Variants in TENM4 observed in about 807,000 individuals in gnomAD.
TENM4 encodes teneurin transmembrane protein 4.
In TENM4, 82 loss-of-function variants were observed where a neutral mutation model predicts 243.3. That is an observed-to-expected ratio of 0.34 (90% CI 0.28 to 0.40). The LOEUF (loss-of-function observed/expected upper bound fraction) is 0.40, where lower values mean the gene tolerates loss of function less well. TENM4 is among the 10% of genes least tolerant of loss of function. The pLI is 1.00. For synonymous variants in TENM4, 1,412 were observed against 1,456.3 expected, an observed-to-expected ratio of 0.97 and a Z score of 0.69; for missense variants, 3,138 against 3,673.3, an observed-to-expected ratio of 0.85 and a Z score of 3.77.
chr11:79,043,441 C>T (rs187218148), intron 6 of TENM4, among the ~76,000 whole-genome samples: 1 of 152,252 alleles, frequency 6.6e-6, no homozygotes, highest in Non-Finnish European at 1.5e-5. Context: ...GGTAGCTCCA[C>T]AAGATGGTGG....
At chr11:78,868,684 G>C (rs932172184) in intron 9 of TENM4, among the ~76,000 whole-genome samples, 4 of 152,160 alleles carry the variant, frequency 2.6e-5, no homozygotes, top group African/African-American at 9.7e-5. Context: ...CATTATGCAG[G>C]AGTCACCAAT....
intron 3 of TENM4, among the ~76,000 whole-genome samples, chr11:79,163,958 T>A (rs963135017): frequency 5.7e-5 from 8 of 139,208 alleles, no homozygotes; most frequent in African/African-American, 1.9e-4. Context: ...GTACTATATA[T>A]CTATATATCT....
chr11:79,075,524 G>C (rs963083427), intron 4 of TENM4, among the ~76,000 whole-genome samples: 1 of 152,190 alleles, frequency 6.6e-6, no homozygotes, highest in African/African-American at 2.4e-5. Context: ...CATCATTATT[G>C]TGTTGTTATT....
chr11:78,907,596 C>T (rs1367155593), intron 6 of TENM4, among the ~76,000 whole-genome samples: 1 of 152,180 alleles, frequency 6.6e-6, no homozygotes, highest in Admixed American at 6.5e-5. Flanking sequence ...GGATGAAGAG[C>T]CATGGGTACC....
chr11:78,926,275 CTTTT>C (rs34301647), intron 6 of TENM4, among the ~76,000 whole-genome samples: 1 of 127,324 alleles, frequency 7.9e-6, no homozygotes, highest in Non-Finnish European at 1.7e-5. Context: ...AAAGAACTGA[CTTTT>C]TTTTTTTTTT....
At chr11:79,164,458 TATATATATA>T (rs1257877430) in intron 3 of TENM4, among the ~76,000 whole-genome samples, 1 of 129,446 alleles carries the variant, frequency 7.7e-6, no homozygotes, top group Non-Finnish European at 1.5e-5. Flanking sequence ...GTATATATAG[TATATATATA>T]GTGTATATAT....
chr11:79,436,368 G>A (rs1288166356), intron 1 of TENM4, among the ~76,000 whole-genome samples: 1 of 152,114 alleles, frequency 6.6e-6, no homozygotes. Context: ...AACCCTGACA[G>A]TGTTGCAAAC....
chr11:78,740,012 G>C (rs1053553995), intron 19 of TENM4, among the ~76,000 whole-genome samples: 3 of 152,218 alleles, frequency 2.0e-5, no homozygotes, highest in African/African-American at 7.2e-5. Context: ...ATGTCCTCAA[G>C]GATCCGCACA....
intron 6 of TENM4, among the ~76,000 whole-genome samples, chr11:79,053,772 C>G (rs1241855252): frequency 6.6e-6 from 1 of 152,198 alleles, no homozygotes; most frequent in Admixed American, 6.5e-5. Context: ...ATTGCTGCCT[C>G]CTGGGCTTCA....
chr11:79,058,750 C>T (rs567013506), intron 6 of TENM4, among the ~76,000 whole-genome samples: 8 of 152,220 alleles, frequency 5.3e-5, no homozygotes, highest in South Asian at 4.2e-4. Context: ...TCACAGATTC[C>T]GAGAGGCTCA....
At chr11:79,287,954 T>TA (rs11398532) in intron 2 of TENM4, among the ~76,000 whole-genome samples, 6,175 of 152,308 alleles carry the variant, frequency 0.041, 255 homozygotes, top group African/African-American at 0.11. Flanking sequence ...CTTAGCTGAA[T>TA]ATCTGGTACA....
At chr11:79,132,549 T>G (rs541466497) in intron 4 of TENM4, among the ~76,000 whole-genome samples, 1 of 152,116 alleles carries the variant, frequency 6.6e-6, no homozygotes, top group African/African-American at 2.4e-5. Flanking sequence ...ACACATTCTA[T>G]TCAACAGCAC....
intron 6 of TENM4, among the ~76,000 whole-genome samples, chr11:79,023,561 CAAA>C (rs3985612): frequency 8.8e-6 from 1 of 113,404 alleles, no homozygotes. Context: ...GGCTCTGTCT[CAAA>C]AAAAAAAAAA....
At chr11:78,925,520 C>A (rs1554978363) in intron 6 of TENM4, among the ~76,000 whole-genome samples, 4 of 152,124 alleles carry the variant, frequency 2.6e-5, no homozygotes, top group Non-Finnish European at 5.9e-5. Flanking sequence ...AGTGACTTGA[C>A]AAACTCCCAC....
rs563762505 is a variant in TENM4 at position 78,921,381 on chromosome 11, T to C, written c.494-17858A>G. Among the ~76,000 whole-genome samples, 25 of 152,322 alleles carry C rather than the reference T, an allele frequency of 1.6e-4. No homozygotes were observed. The South Asian group carries it at 5.2e-3, about 32-fold the overall frequency. On this transcript the variant is annotated intron_variant, in intron 6 of 33. Transcript: ENST00000278550. ...ACAAATGCACTGTGCCCAAGGGAAC[T>C]TGAGAAATACAACTCTGTTTTTCTC...
chr11:79,229,122 TGG>T (rs1011282483), intron 2 of TENM4, among the ~76,000 whole-genome samples: 12 of 152,230 alleles, frequency 7.9e-5, no homozygotes, highest in Admixed American at 7.9e-4. Context: ...ATGATAAGAC[TGG>T]GGTTGTGAAC....
At chr11:79,362,302 G>T (rs1457819227) in intron 1 of TENM4, among the ~76,000 whole-genome samples, 1 of 152,220 alleles carries the variant, frequency 6.6e-6, no homozygotes, top group Non-Finnish European at 1.5e-5. Flanking sequence ...GCTGCTGCAT[G>T]TCAGCAGAGG....
At chr11:79,297,849 A>G (rs1856481455) in intron 1 of TENM4, among the ~76,000 whole-genome samples, 1 of 152,176 alleles carries the variant, frequency 6.6e-6, no homozygotes, top group Non-Finnish European at 1.5e-5. Context: ...ATAAAAGACC[A>G]TTAAAAATAC....
intron 4 of TENM4, among the ~76,000 whole-genome samples, chr11:79,099,239 G>T (rs1861161597): frequency 1.3e-5 from 2 of 152,098 alleles, no homozygotes; most frequent in Non-Finnish European, 2.9e-5. Context: ...AGGGAGTGCT[G>T]CTGGGATTTC....
Sources: gnomAD v4.1 joint callset for allele counts (sites outside exome capture counted in the v4.1 genomes callset) on GRCh38, gnomAD v4.1.1 for gene constraint, MANE v1.5 for transcripts, NCBI Gene and HGNC (gene_info 2026-07-23, HGNC 2026-07-21) for gene names.